The following RGS7 variants were observed in gnomAD, a reference collection of about 807,000 sequenced individuals.
The protein encoded by RGS7 is regulator of G-protein signaling 7.
In RGS7, 27 loss-of-function variants were observed where a neutral mutation model predicts 81.1. The ratio of observed to expected loss-of-function variants is 0.33; its 90% confidence interval spans 0.25 to 0.46. The LOEUF is 0.46. Among genes scored for constraint, RGS7 ranks in the 20% least tolerant of loss-of-function variants. The probability of loss-of-function intolerance (pLI) is 1.00; values close to 1 mark genes in which losing one functional copy is unlikely to be tolerated. For missense variants in RGS7, 396 were observed against 607.4 expected, an observed-to-expected ratio of 0.65 and a Z score of 3.66; for synonymous variants, 208 against 207.7, an observed-to-expected ratio of 1.00 and a Z score of -0.01.
chr1:240,882,660 A>G (rs1666604484), intron 6 of RGS7, among the ~76,000 whole-genome samples: 2 of 152,138 alleles, frequency 1.3e-5, no homozygotes, highest in Non-Finnish European at 2.9e-5. Flanking sequence ...CTGAAAAGGG[A>G]GAAATATGCT....
chr1:241,346,404 G>T (rs2148719852), intron 2 of RGS7, among the ~76,000 whole-genome samples: 1 of 148,224 alleles, frequency 6.7e-6, no homozygotes, highest in African/African-American at 2.5e-5. Context: ...CAAGGCCAAT[G>T]CATATGTAAT....
intron 2 of RGS7, among the ~76,000 whole-genome samples, chr1:241,314,711 G>A (rs2148574513): frequency 6.6e-6 from 1 of 152,260 alleles, no homozygotes; most frequent in South Asian, 2.1e-4. Flanking sequence ...TTCTTGCAGG[G>A]GATTTGGTAA....
chr1:241,311,459 T>G (rs917487894), intron 2 of RGS7, among the ~76,000 whole-genome samples: 3 of 152,234 alleles, frequency 2.0e-5, no homozygotes, highest in African/African-American at 7.2e-5. Flanking sequence ...GACCTGAAAG[T>G]TGGCTCATGG....
intron 6 of RGS7, among the ~76,000 whole-genome samples, chr1:240,913,811 CTGT>C (rs1672147438): frequency 2.6e-5 from 4 of 151,600 alleles, no homozygotes; most frequent in African/African-American, 7.3e-5. Flanking sequence ...TTTGAACAAA[CTGT>C]TATCTGTTAA....
At chr1:240,871,326 C>T in intron 6 of RGS7, among the ~76,000 whole-genome samples, 1 of 152,188 alleles carries the variant, frequency 6.6e-6, no homozygotes, top group East Asian at 1.9e-4. Flanking sequence ...ACTACACTTA[C>T]CACCCCAAGT....
Position 241,050,924 on chromosome 1 carries a change from T to C in RGS7, c.175+47742A>G, listed in dbSNP as rs567480703. Among the ~76,000 whole-genome samples the C allele has an allele frequency of 2.0e-5, 3 of 152,276 alleles. No homozygotes were observed. In the South Asian group the frequency reaches 6.2e-4, roughly 32 times the overall value. ...GGTAAGGCTTCTGGTCAACAGTAAG[T>C]TATTAGCAGCCAAGCTTTTGGGGAG... On this transcript the variant is annotated intron_variant, in intron 3 of 18. Coordinates refer to ENST00000440928, the MANE Select transcript of RGS7 (RefSeq NM_001364886.1).
intron 4 of RGS7, among the ~76,000 whole-genome samples, chr1:240,973,654 A>G (rs1193382017): frequency 6.6e-6 from 1 of 151,944 alleles, no homozygotes; most frequent in East Asian, 2.0e-4. Context: ...CAGTGGTGCC[A>G]TCTCAGCTCA....
intron 2 of RGS7, among the ~76,000 whole-genome samples, chr1:241,225,496 G>A (rs1054670512): frequency 6.6e-6 from 1 of 152,126 alleles, no homozygotes; most frequent in Admixed American, 6.5e-5. Flanking sequence ...CGCTTCTCAC[G>A]TTCACTGCTG....
At chr1:240,883,716 C>T (rs1161118891) in intron 6 of RGS7, among the ~76,000 whole-genome samples, 1 of 152,226 alleles carries the variant, frequency 6.6e-6, no homozygotes, top group Non-Finnish European at 1.5e-5. Context: ...TGTAAACAAA[C>T]ATCCTTTTTG....
chr1:241,000,344 C>T (rs1687944831), intron 3 of RGS7, among the ~76,000 whole-genome samples: 1 of 152,116 alleles, frequency 6.6e-6, no homozygotes, highest in Non-Finnish European at 1.5e-5. Context: ...AAAATTTCTA[C>T]TATTTTGATT....
chr1:240,850,466 T>C (rs530414915), intron 9 of RGS7, among the ~76,000 whole-genome samples: 1 of 152,340 alleles, frequency 6.6e-6, no homozygotes, highest in South Asian at 2.1e-4. Flanking sequence ...TTGTGTGTGA[T>C]CTGACTGCTG....
chr1:241,010,241 G>T lies in RGS7; in HGVS notation c.176-27112C>A, dbSNP rs147579242. Reference sequence around the variant, plus strand: ...CTGGGCTTGTGTATCTGAAGGAAATGGCTCTGAAGTGATGGCTGTGCTGGT... The same window carrying T: ...CTGGGCTTGTGTATCTGAAGGAAATTGCTCTGAAGTGATGGCTGTGCTGGT... On this transcript the variant is annotated intron_variant, in intron 3 of 18. Transcript: ENST00000440928. Among the ~76,000 whole-genome samples, 737 of 152,288 alleles carry T rather than the reference G, an allele frequency of 4.8e-3. 23 individuals are homozygous for T. The highest frequency in any genetic ancestry group is 0.042 in the Admixed American group (638 of 15,288).
intron 3 of RGS7, among the ~76,000 whole-genome samples, chr1:241,015,263 A>T (rs1244823806): frequency 6.6e-6 from 1 of 152,176 alleles, no homozygotes; most frequent in Non-Finnish European, 1.5e-5. Context: ...TTCAAGTTTC[A>T]TTATGTTCAT....
At chr1:241,338,143 CA>C (rs2082345402) in intron 2 of RGS7, among the ~76,000 whole-genome samples, 1 of 152,048 alleles carries the variant, frequency 6.6e-6, no homozygotes, top group Admixed American at 6.6e-5. Context: ...TGAGGTGCCA[CA>C]AATTGATGTG....
chr1:241,320,662 C>T (rs1452233206), intron 2 of RGS7, among the ~76,000 whole-genome samples: 1 of 152,114 alleles, frequency 6.6e-6, no homozygotes, highest in East Asian at 1.9e-4. Flanking sequence ...ATTGTAAGTG[C>T]CAGGTTTGGT....
At chr1:241,238,000 G>A (rs1160759904) in intron 2 of RGS7, among the ~76,000 whole-genome samples, 2 of 152,130 alleles carry the variant, frequency 1.3e-5, no homozygotes, top group Admixed American at 6.5e-5. Flanking sequence ...CAAGACCGTC[G>A]CTGGGACTAA....
At chr1:241,189,641 AAAG>A (rs2072434210) in intron 2 of RGS7, among the ~76,000 whole-genome samples, 1 of 152,190 alleles carries the variant, frequency 6.6e-6, no homozygotes, top group Non-Finnish European at 1.5e-5. Context: ...CACTTTTTAT[AAAG>A]TTTTACATTT....
At position 240,868,759 on chromosome 1, in the gene RGS7, G is replaced by T. The variant is rs760793046; in HGVS notation, c.527+17C>A. On this transcript the variant is annotated intron_variant, in intron 8 of 18. Coordinates refer to ENST00000440928, the MANE Select transcript of RGS7 (RefSeq NM_001364886.1). This position sits in a 1 kb window ranked among gnomAD's most constrained non-coding sequence, Gnocchi z 5.1. ...CACAACTGGAACAAATCTTCCAAACGACTCACAAGGACTCACTTTGCTTGT... is the reference window on the plus strand; with the variant it reads ...CACAACTGGAACAAATCTTCCAAACTACTCACAAGGACTCACTTTGCTTGT... 1 of 1,613,548 alleles carries T rather than the reference G, an allele frequency of 6.2e-7. No individual in the cohort carries two copies. Among genetic ancestry groups the T allele is most frequent in the South Asian group, 1.1e-5 (1 of 91,054 alleles).
chr1:240,780,264 T>C (rs1458316068), intron 18 of RGS7, among the ~76,000 whole-genome samples: 1 of 151,766 alleles, frequency 6.6e-6, no homozygotes, highest in African/African-American at 2.4e-5. Context: ...CTGGCCAACA[T>C]GGTGAAACCC....
Sources: gnomAD v4.1 joint callset for allele counts (sites outside exome capture counted in the v4.1 genomes callset) on GRCh38, gnomAD v4.1.1 for gene constraint, Gnocchi (gnomAD v3.1) non-coding constraint, MANE v1.5 for transcripts, NCBI Gene and HGNC (gene_info 2026-07-23, HGNC 2026-07-21) for gene names.